The following ADGB variants were observed in gnomAD, a reference collection of about 807,000 sequenced individuals.
ADGB encodes the protein calpain-7-like protein.
ADGB carries 172 observed loss-of-function variants against 210.5 expected under a neutral mutation model. The observed-to-expected ratio is 0.82, with a 90% CI of 0.72 to 0.93. The LOEUF (loss-of-function observed/expected upper bound fraction) is 0.93. ADGB is among the 40% of genes least tolerant of loss of function. ADGB has a pLI of 0.00. For missense variants in ADGB, 2,025 were observed against 1,964.8 expected, an observed-to-expected ratio of 1.03 and a Z score of -0.58; for synonymous variants, 658 against 662.7, an observed-to-expected ratio of 0.99 and a Z score of 0.11.
chr6:146,813,071 C>T (rs532093466), intron 35 of ADGB, among the ~76,000 whole-genome samples: 1 of 152,230 alleles, frequency 6.6e-6, no homozygotes, highest in African/African-American at 2.4e-5. Context: ...AATGACCTGT[C>T]TCGCAGAAAA....
At chr6:146,766,055 A>G (rs1777568940) in intron 28 of ADGB, among the ~76,000 whole-genome samples, 1 of 152,162 alleles carries the variant, frequency 6.6e-6, no homozygotes, top group Non-Finnish European at 1.5e-5. Context: ...GTGTAACAAC[A>G]GACAATGGGT....
chr6:146,674,378 TG>T (rs1258807201), intron 8 of ADGB, among the ~76,000 whole-genome samples: 1 of 151,960 alleles, frequency 6.6e-6, no homozygotes, highest in East Asian at 1.9e-4. Context: ...AAGTGATGAC[TG>T]GGAAGATCCT....
At chr6:146,720,420 A>G (rs372134987) in intron 16 of ADGB, among the ~76,000 whole-genome samples, 1 of 152,188 alleles carries the variant, frequency 6.6e-6, no homozygotes, top group South Asian at 2.1e-4. Flanking sequence ...AACCGAAATT[A>G]TATACATGTA....
At chr6:146,643,154 T>G (rs1003515231) in intron 2 of ADGB, among the ~76,000 whole-genome samples, 27 of 151,666 alleles carry the variant, frequency 1.8e-4, no homozygotes, top group Admixed American at 6.6e-5. Context: ...ATGACTCGCT[T>G]TTTGAGACTC....
At chr6:146,660,316 C>T (rs1452202705) in intron 5 of ADGB, among the ~76,000 whole-genome samples, 1 of 152,112 alleles carries the variant, frequency 6.6e-6, no homozygotes, top group African/African-American at 2.4e-5. Context: ...TGCTTTATTT[C>T]ATTATATGTA....
intron 1 of ADGB, among the ~76,000 whole-genome samples, chr6:146,612,051 G>A (rs772255859): frequency 1.7e-4 from 26 of 152,060 alleles, no homozygotes; most frequent in Non-Finnish European, 5.9e-5. Flanking sequence ...CTCCTGGGTC[G>A]TTGTCTCTCA....
At chr6:146,644,702 T>A in intron 2 of ADGB, 71 bp from the exon 3 acceptor site, 1 of 990,460 alleles carries the variant, frequency 1.0e-6, no homozygotes, top group Non-Finnish European at 1.4e-6. Context: ...CACTTATTTC[T>A]TTTTTATTAA....
intron 1 of ADGB, among the ~76,000 whole-genome samples, chr6:146,599,495 A>C (rs1780520868): frequency 6.6e-6 from 1 of 152,214 alleles, no homozygotes; most frequent in Non-Finnish European, 1.5e-5. Context: ...TGATACAGAC[A>C]GCGAGTGACA....
At chr6:146,735,794 C>G (rs1305424793) in intron 22 of ADGB, among the ~76,000 whole-genome samples, 2 of 152,010 alleles carry the variant, frequency 1.3e-5, no homozygotes, top group Non-Finnish European at 2.9e-5. Flanking sequence ...TTTTTTCACT[C>G]AACATATATT....
At chr6:146,629,534 C>A (rs1781028902) in intron 1 of ADGB, among the ~76,000 whole-genome samples, 1 of 152,170 alleles carries the variant, frequency 6.6e-6, no homozygotes, top group Non-Finnish European at 1.5e-5. Flanking sequence ...TTACACTTGA[C>A]AGTGAAGAAG....
At chr6:146,682,819 T>A (rs191920284) in intron 9 of ADGB, among the ~76,000 whole-genome samples, 1 of 152,200 alleles carries the variant, frequency 6.6e-6, no homozygotes, top group Non-Finnish European at 1.5e-5. Flanking sequence ...ATAATTCTTA[T>A]ATTTTCTTGG....
intron 17 of ADGB, among the ~76,000 whole-genome samples, chr6:146,721,718 T>A (rs1260170151): frequency 6.6e-6 from 1 of 152,034 alleles, no homozygotes; most frequent in Non-Finnish European, 1.5e-5. Flanking sequence ...CGTACCTGTA[T>A]TCCCAGCTAC....
At chr6:146,661,220 C>CTTTTTTTTT (rs5880682) in intron 5 of ADGB, among the ~76,000 whole-genome samples, 384 of 115,888 alleles carry the variant, frequency 3.3e-3, no homozygotes, top group East Asian at 5.2e-3. Flanking sequence ...TTCTTTTTTT[C>CTTTTTTTTT]TTTTTTTTTT....
At chr6:146,777,969 T>G (rs1186169779) in intron 29 of ADGB, among the ~76,000 whole-genome samples, 1 of 152,188 alleles carries the variant, frequency 6.6e-6, no homozygotes, top group Admixed American at 6.5e-5. Flanking sequence ...AACTGTGAGT[T>G]GTTGTGTTAC....
chr6:146,746,040 C>T lies in ADGB; in HGVS notation c.3296C>T (p.Pro1099Leu). The change falls in exon 26 of 36, where the codon CCA becomes CTA. Residue 1099 changes from proline (P) to leucine (L), a missense_variant. Transcript: ENST00000397944. ...APLPCLSRDS[P>L]CNSFAIKEIR... ...CTGCCATGCCTCTCTCGAGACTCTC[C>T]ATGCAATTCCTTTGCCATAAAGGAA... 1 of 1,551,136 alleles carries T rather than the reference C, an allele frequency of 6.4e-7. No individual in the cohort carries two copies. The highest frequency in any genetic ancestry group is 1.2e-5 in the South Asian group (1 of 84,008).
chr6:146,714,157 G>A (rs1376224377), intron 13 of ADGB, among the ~76,000 whole-genome samples: 1 of 152,052 alleles, frequency 6.6e-6, no homozygotes, highest in Admixed American at 6.5e-5. Context: ...GTACTTTGTT[G>A]TACATATATA....
chr6:146,746,786 T>A (rs1397233719), intron 26 of ADGB, among the ~76,000 whole-genome samples: 2 of 152,176 alleles, frequency 1.3e-5, no homozygotes, highest in Non-Finnish European at 2.9e-5. Context: ...ACATAGCATG[T>A]TATTTAGCAT....
intron 1 of ADGB, among the ~76,000 whole-genome samples, chr6:146,610,427 T>G (rs757088640): frequency 4.6e-5 from 7 of 152,202 alleles, no homozygotes; most frequent in Non-Finnish European, 5.9e-5. Flanking sequence ...GCTTTTATAA[T>G]TGCTACAGTT....
intron 7 of ADGB, among the ~76,000 whole-genome samples, chr6:146,667,823 A>C (rs1775957526): frequency 1.3e-5 from 2 of 152,022 alleles, no homozygotes; most frequent in South Asian, 4.1e-4. Flanking sequence ...TAAAAATCAC[A>C]GTCCTGAAAG....
Sources: gnomAD v4.1 joint callset for allele counts (sites outside exome capture counted in the v4.1 genomes callset) on GRCh38, gnomAD v4.1.1 for gene constraint, MANE v1.5 for transcripts, NCBI Gene and HGNC (gene_info 2026-07-23, HGNC 2026-07-21) for gene names.